The following DLG2 variants were observed in gnomAD, a reference collection of about 807,000 sequenced individuals.
DLG2 encodes the protein discs large MAGUK scaffold protein 2.
Under a neutral mutation model 132.5 loss-of-function variants are expected in DLG2, and 45 were observed. The ratio of observed to expected loss-of-function variants is 0.34; its 90% confidence interval spans 0.27 to 0.44. The LOEUF is 0.44. Among genes scored for constraint, DLG2 ranks in the 20% least tolerant of loss-of-function variants. The pLI, the probability that DLG2 is intolerant of heterozygous loss-of-function variation, is 1.00. For missense variants in DLG2, 1,045 were observed against 1,196.9 expected, an observed-to-expected ratio of 0.87 and a Z score of 1.87; for synonymous variants, 424 against 419.6, an observed-to-expected ratio of 1.01 and a Z score of -0.13.
intron 19 of DLG2, among the ~76,000 whole-genome samples, chr11:83,553,483 C>CGTGTGTGTGTGTGTGTGTGT (rs71959561): frequency 4.5e-4 from 65 of 143,868 alleles, no homozygotes; most frequent in African/African-American, 1.1e-3. Flanking sequence ...AAGTAAGCAC[C>CGTGTGTGTGTGTGTGTGTGT]GTGTGTGTGT....
At chr11:85,386,466 T>A (rs536394478) in intron 3 of DLG2, among the ~76,000 whole-genome samples, 1 of 152,318 alleles carries the variant, frequency 6.6e-6, no homozygotes, top group African/African-American at 2.4e-5. Flanking sequence ...TTTTCTGATT[T>A]TTTTTCTGTG....
chr11:85,138,073 C>G (rs1272057932), intron 5 of DLG2, among the ~76,000 whole-genome samples: 1 of 151,948 alleles, frequency 6.6e-6, no homozygotes, highest in Admixed American at 6.6e-5. Context: ...TTGAGTGAAC[C>G]AATAATTGCT....
At chr11:84,657,474 C>T (rs1350679705) in intron 6 of DLG2, among the ~76,000 whole-genome samples, 1 of 152,122 alleles carries the variant, frequency 6.6e-6, no homozygotes, top group Non-Finnish European at 1.5e-5. Context: ...AGTCCTCAAC[C>T]CTTTTGACAC....
intron 13 of DLG2, among the ~76,000 whole-genome samples, chr11:83,964,536 A>G (rs1239730424): frequency 1.3e-5 from 2 of 152,138 alleles, no homozygotes; most frequent in Admixed American, 6.6e-5. Context: ...AGTCTCACAA[A>G]TGGACTCTCA....
At chr11:83,652,199 C>T (rs1247745537) in intron 18 of DLG2, among the ~76,000 whole-genome samples, 2 of 152,170 alleles carry the variant, frequency 1.3e-5, no homozygotes, top group African/African-American at 4.8e-5. Flanking sequence ...AAAGCAGCGA[C>T]TGTAGATCAT....
intron 8 of DLG2, among the ~76,000 whole-genome samples, chr11:84,238,569 A>G (rs1302859975): frequency 2.6e-5 from 4 of 151,218 alleles, no homozygotes; most frequent in African/African-American, 9.7e-5. Flanking sequence ...AACAAGGGAG[A>G]GATGAAGTTA....
chr11:84,543,640 G>T (rs889444328), intron 6 of DLG2, among the ~76,000 whole-genome samples: 1 of 152,016 alleles, frequency 6.6e-6, no homozygotes, highest in African/African-American at 2.4e-5. Flanking sequence ...TAAGTACTTT[G>T]CAGCCAGATC....
intron 6 of DLG2, among the ~76,000 whole-genome samples, chr11:84,571,200 C>T (rs2154527759): frequency 6.6e-6 from 1 of 152,122 alleles, no homozygotes; most frequent in South Asian, 2.1e-4. Context: ...TTGTTTTCTG[C>T]CTCTCACTCC....
At chr11:85,072,413 A>C (rs183776616) in intron 6 of DLG2, among the ~76,000 whole-genome samples, 1 of 152,012 alleles carries the variant, frequency 6.6e-6, no homozygotes, top group East Asian at 1.9e-4. Context: ...ATTAGAACCC[A>C]GGGATATAAA....
intron 6 of DLG2, among the ~76,000 whole-genome samples, chr11:84,982,541 T>C (rs1365748340): frequency 6.6e-6 from 1 of 152,158 alleles, no homozygotes; most frequent in Non-Finnish European, 1.5e-5. Context: ...TTGTCCCAAC[T>C]ACCTTTTAGT....
intron 8 of DLG2, among the ~76,000 whole-genome samples, chr11:84,226,184 C>G (rs1197564283): frequency 1.3e-5 from 2 of 152,176 alleles, no homozygotes; most frequent in Non-Finnish European, 2.9e-5. Flanking sequence ...TAATTTTTAA[C>G]CAGGGTTCGC....
chr11:83,881,011 T>A (rs11826675), intron 15 of DLG2, among the ~76,000 whole-genome samples: 10,967 of 150,242 alleles, frequency 0.073, 514 homozygotes, highest in African/African-American at 0.13. Flanking sequence ...ATCTATTAAG[T>A]TGGTGCAAAA....
intron 21 of DLG2, among the ~76,000 whole-genome samples, chr11:83,503,171 G>A (rs1255502404): frequency 6.6e-6 from 1 of 151,336 alleles, no homozygotes; most frequent in African/African-American, 2.4e-5. Flanking sequence ...GGGAGGATAG[G>A]CAAGCAAGAG....
At chr11:85,073,031 G>C (rs1386861997) in intron 6 of DLG2, among the ~76,000 whole-genome samples, 1 of 151,772 alleles carries the variant, frequency 6.6e-6, no homozygotes, top group Non-Finnish European at 1.5e-5. Context: ...TTAGATACTA[G>C]TATTTGTATT....
chr11:85,171,916 C>A (rs1352686148), intron 4 of DLG2, among the ~76,000 whole-genome samples: 1 of 152,210 alleles, frequency 6.6e-6, no homozygotes, highest in Non-Finnish European at 1.5e-5. Flanking sequence ...GTGGGAATTA[C>A]AGCAACTTCA....
intron 3 of DLG2, among the ~76,000 whole-genome samples, chr11:85,341,079 G>C (rs367904901): frequency 6.6e-6 from 1 of 151,402 alleles, no homozygotes; most frequent in Non-Finnish European, 1.5e-5. Context: ...GAGGTAGAAG[G>C]TATGAAAATT....
intron 6 of DLG2, among the ~76,000 whole-genome samples, chr11:84,821,880 C>CT (rs912630214): frequency 6.6e-6 from 1 of 151,592 alleles, no homozygotes; most frequent in Non-Finnish European, 1.5e-5. Context: ...ACAATGCTAA[C>CT]TTTTTTTAAT....
chr11:85,513,551 C>T (rs184816185), intron 3 of DLG2, among the ~76,000 whole-genome samples: 73 of 151,958 alleles, frequency 4.8e-4, no homozygotes, highest in East Asian at 1.4e-3. Flanking sequence ...TTTTATGTAA[C>T]GGTAGTATCT....
At chr11:84,406,278 A>G (rs548591279) in intron 7 of DLG2, among the ~76,000 whole-genome samples, 10 of 152,090 alleles carry the variant, frequency 6.6e-5, no homozygotes, top group Non-Finnish European at 1.5e-4. Context: ...CCAGCAAACT[A>G]ATACCTGACC....
Sources: allele counts gnomAD v4.1 joint callset (sites outside exome capture counted in the v4.1 genomes callset), GRCh38; gene constraint gnomAD v4.1.1; transcripts MANE v1.5; gene names NCBI Gene and HGNC (gene_info 2026-07-23, HGNC 2026-07-21).